GAS7: variants seen among roughly 807,000 people sequenced by gnomAD.
The protein encoded by GAS7 is growth arrest specific 7, also known as growth arrest-specific protein 7.
GAS7 carries 28 observed loss-of-function variants against 71.1 expected under a neutral mutation model. That is an observed-to-expected ratio of 0.39 (90% CI 0.29 to 0.54). The LOEUF is 0.54. GAS7 is among the 20% of genes least tolerant of loss of function. The pLI is 0.62. For missense variants in GAS7, 436 were observed against 627.8 expected, an observed-to-expected ratio of 0.69 and a Z score of 3.27; for synonymous variants, 258 against 245.8, an observed-to-expected ratio of 1.05 and a Z score of -0.46.
At position 10,096,766 on chromosome 17, in the gene GAS7, G is replaced by A. The variant is rs72635522; in HGVS notation, c.184-76869C>T. 0.026 allele frequency among the ~76,000 whole-genome samples: 3,922 copies of A among 152,320 alleles called. 318 individuals carry two copies. In the East Asian group the frequency reaches 0.29, roughly 11 times the overall value. On this transcript the variant is annotated intron_variant, in intron 1 of 13. Transcript: ENST00000432992. ...CAGTCTGGAGCTGCCAGCTTCCAACGTGCAGCTCAAGTGAGAAAGCGCACA... is the reference window on the plus strand; with the variant it reads ...CAGTCTGGAGCTGCCAGCTTCCAACATGCAGCTCAAGTGAGAAAGCGCACA...
intron 1 of GAS7, among the ~76,000 whole-genome samples, chr17:10,070,328 C>G (rs1362971220): frequency 6.9e-6 from 1 of 145,542 alleles, no homozygotes; most frequent in Non-Finnish European, 1.5e-5. Context: ...GCTCTCCCTT[C>G]GTTCTCTCTC....
Position 9,913,568 on chromosome 17 carries a change from G to A in GAS7, c.*3660C>T, listed in dbSNP as rs915305336. 16 of 230,714 alleles carry A rather than the reference G, an allele frequency of 6.9e-5. No homozygotes were observed. Among genetic ancestry groups the A allele is most frequent in the East Asian group, 3.1e-4 (5 of 16,250 alleles). 14.3% of individuals were successfully genotyped at this position (230,714 alleles called of 1,614,324 possible). ...GGTGAATTCGTTGGTACACTGTTTC[G>A]GTGTGCCCAGCTGTTTATCAATCCT... On this transcript the variant is annotated 3_prime_UTR_variant, in exon 14 of 14. Transcript: ENST00000432992.
chr17:10,137,984 C>T (rs1413954383), intron 1 of GAS7, among the ~76,000 whole-genome samples: 4 of 151,268 alleles, frequency 2.6e-5, no homozygotes, highest in Non-Finnish European at 4.4e-5. Context: ...TTTTTTGAGA[C>T]GGAGTCTTGC....
intron 1 of GAS7, among the ~76,000 whole-genome samples, chr17:10,134,055 G>T (rs1238408082): frequency 7.1e-6 from 1 of 141,372 alleles, no homozygotes; most frequent in Non-Finnish European, 1.5e-5. Flanking sequence ...TTTGAGATGG[G>T]AGTCTCGCTC....
chr17:9,917,351 A>G lies in GAS7; in HGVS notation c.1318-10T>C, dbSNP rs1292858530. 5 of 1,598,690 alleles carry G rather than the reference A, an allele frequency of 3.1e-6. No individual in the cohort carries two copies. Among genetic ancestry groups the G allele is most frequent in the Non-Finnish European group, 4.3e-6 (5 of 1,165,864 alleles). Reference sequence around the variant, plus strand: ...CCACGGGCTCGACTGTCTGCAAGAGACAGAGAAAATGCGACACTGTTAGAG... The same window carrying G: ...CCACGGGCTCGACTGTCTGCAAGAGGCAGAGAAAATGCGACACTGTTAGAG... On this transcript the variant is annotated splice_polypyrimidine_tract_variant and intron_variant, in intron 13 of 13. Transcript: ENST00000432992.
At chr17:10,177,479 G>A (rs933869898) in intron 1 of GAS7, among the ~76,000 whole-genome samples, 7 of 152,118 alleles carry the variant, frequency 4.6e-5, no homozygotes, top group Non-Finnish European at 1.0e-4. Context: ...CCATGTGTGG[G>A]GTCCCTGGCT....
At chr17:9,967,553 T>A (rs988770047) in intron 4 of GAS7, among the ~76,000 whole-genome samples, 3 of 121,180 alleles carry the variant, frequency 2.5e-5, no homozygotes, top group Non-Finnish European at 3.6e-5. Flanking sequence ...TTCCTAAGTA[T>A]AGATAAGTAT....
chr17:9,990,174 C>T (rs1480192522), intron 2 of GAS7, among the ~76,000 whole-genome samples: 1 of 152,126 alleles, frequency 6.6e-6, no homozygotes, highest in African/African-American at 2.4e-5. Flanking sequence ...GAGGCTGAGG[C>T]AGGAGAATGG....
At chr17:9,979,872 A>AC (rs1372576633) in intron 3 of GAS7, among the ~76,000 whole-genome samples, 1 of 151,622 alleles carries the variant, frequency 6.6e-6, no homozygotes, top group Non-Finnish European at 1.5e-5. Context: ...TAAAAAAAAA[A>AC]AAAAACACAA....
Position 9,913,737 on chromosome 17 carries a change from C to T in GAS7, c.*3491G>A, listed in dbSNP as rs2067502970. ...ACGGTCCAAGGGGCCTATGTGTTGC[C>T]ACTGACTGAAAGCACTAGAAAGAAT... On this transcript the variant is annotated 3_prime_UTR_variant, in exon 14 of 14. Coordinates refer to ENST00000432992, the MANE Select transcript of GAS7 (RefSeq NM_201433.2). 1 of 231,810 alleles carries T rather than the reference C, an allele frequency of 4.3e-6. No homozygotes were observed. The highest frequency in any genetic ancestry group is 2.2e-5 in the African/African-American group (1 of 45,258). 14.4% of individuals were successfully genotyped at this position (231,810 alleles called of 1,614,324 possible).
At chr17:9,976,740 T>C (rs2070221691) in intron 3 of GAS7, among the ~76,000 whole-genome samples, 1 of 152,226 alleles carries the variant, frequency 6.6e-6, no homozygotes, top group African/African-American at 2.4e-5. Context: ...AGCCAGATCC[T>C]GAACCCATGT....
At chr17:10,196,556 C>T (rs2142160213) in intron 1 of GAS7, among the ~76,000 whole-genome samples, 2 of 152,266 alleles carry the variant, frequency 1.3e-5, no homozygotes, top group South Asian at 4.1e-4. Context: ...TCCGCTTGTC[C>T]CCTGGCCCTG....
chr17:9,924,210 G>C (rs1481981715), intron 11 of GAS7, among the ~76,000 whole-genome samples: 1 of 152,174 alleles, frequency 6.6e-6, no homozygotes, highest in East Asian at 1.9e-4. Context: ...GTCTCTCTCT[G>C]TCACCCAGGC....
rs78912051 is a variant in GAS7 at position 10,008,630 on chromosome 17, G to A, written c.304+11147C>T. ...TTACCTAAACATTACATGTTAGAAC[G>A]GATATCCTGGAAGAGAAAACAAAAC... On this transcript the variant is annotated intron_variant, in intron 2 of 13. Transcript: ENST00000432992. 3.4e-3 allele frequency among the ~76,000 whole-genome samples: 523 copies of A among 152,218 alleles called. 3 individuals carry two copies. The highest frequency in any genetic ancestry group is 0.012 in the African/African-American group (487 of 41,524).
chr17:10,182,041 T>C (rs554712789), intron 1 of GAS7, among the ~76,000 whole-genome samples: 1 of 152,318 alleles, frequency 6.6e-6, no homozygotes, highest in Admixed American at 6.5e-5. Context: ...TCCCTACCCC[T>C]TTCCCAGAAA....
At chr17:10,089,551 G>A (rs944851035) in intron 1 of GAS7, among the ~76,000 whole-genome samples, 4 of 151,936 alleles carry the variant, frequency 2.6e-5, no homozygotes, top group African/African-American at 9.7e-5. Flanking sequence ...AAGACCATGA[G>A]TTTCATAGTG....
intron 5 of GAS7, among the ~76,000 whole-genome samples, chr17:9,956,057 C>A (rs571889953): frequency 6.6e-6 from 1 of 152,316 alleles, no homozygotes; most frequent in South Asian, 2.1e-4. Context: ...GTGAGAGCCA[C>A]TGAACACACG....
intron 2 of GAS7, among the ~76,000 whole-genome samples, chr17:10,005,145 G>GCATACATGCATGTGTATGTA (rs1567879839): frequency 2.5e-4 from 9 of 36,616 alleles, no homozygotes; most frequent in African/African-American, 7.9e-4. Flanking sequence ...GTGCGCGCAC[G>GCATACATGCATGTGTATGTA]CATGCATGCA....
chr17:9,954,480 GGGGGGT>G (rs1597532733), intron 5 of GAS7, among the ~76,000 whole-genome samples: 18 of 148,808 alleles, frequency 1.2e-4, no homozygotes, highest in East Asian at 2.0e-4. Flanking sequence ...GATGGGGGGT[GGGGGGT>G]GGGGGGTCAT....
Sources: gnomAD v4.1 joint callset for allele counts (sites outside exome capture counted in the v4.1 genomes callset) on GRCh38, gnomAD v4.1.1 for gene constraint, MANE v1.5 for transcripts, NCBI Gene and HGNC (gene_info 2026-07-23, HGNC 2026-07-21) for gene names.